The following PLEKHA1 variants were observed in gnomAD, a reference collection of about 807,000 sequenced individuals.
PLEKHA1 encodes pleckstrin homology domain containing A1, also known as pleckstrin homology domain-containing family A member 1.
In PLEKHA1, 34 loss-of-function variants were observed where a neutral mutation model predicts 52.0. The ratio of observed to expected loss-of-function variants is 0.65; its 90% confidence interval spans 0.50 to 0.87. PLEKHA1 has a LOEUF of 0.87. PLEKHA1 is among the 40% of genes least tolerant of loss of function. The pLI is 0.00. For synonymous variants in PLEKHA1, 163 were observed against 170.7 expected (o/e 0.95, Z 0.35); for missense variants, 497 against 504.2 (o/e 0.99, Z 0.14).
Position 122,429,846 on chromosome 10 carries a change from C to G in PLEKHA1, c.1123C>G (p.Leu375Val). Residue 375 changes from leucine to valine, a missense_variant, in exon 12 of 12, where the codon CTG becomes GTG. Coordinates refer to ENST00000368990, the MANE Select transcript of PLEKHA1 (RefSeq NM_001001974.4). ...EPASKVTEQA[L>V]LRPQSKNGPQ... ...AGCTTCCAAAGTGACTGAACAAGCT[C>G]TGTTAAGACCTCAAAGTAAAAATGG... 1 of 1,614,148 alleles carries G rather than the reference C, an allele frequency of 6.2e-7. No homozygotes were observed. The highest frequency in any genetic ancestry group is 1.1e-5 in the South Asian group (1 of 91,080).
intron 4 of PLEKHA1, 29 bp downstream of exon 4, chr10:122,400,417 A>G: frequency 6.4e-7 from 1 of 1,564,156 alleles, no homozygotes; most frequent in Non-Finnish European, 8.7e-7. Flanking sequence ...TATATTTTAA[A>G]TAGACTGATA....
downstream of PLEKHA1, chr10:122,436,923 C>A (rs749133628): frequency 4.0e-5 from 6 of 150,880 alleles, no homozygotes; most frequent in African/African-American, 7.3e-5. Context: ...ACCTCTAATG[C>A]ACGTTTTCTT....
intron 8 of PLEKHA1, 117 bp downstream of exon 8, chr10:122,418,085 G>A: frequency 1.5e-6 from 1 of 669,666 alleles, no homozygotes; most frequent in African/African-American, 1.8e-5. Flanking sequence ...AGTTTTTAGA[G>A]GTAAATATAG....
At chr10:122,376,676 G>C (rs1026331240) in intron 1 of PLEKHA1, among the ~76,000 whole-genome samples, 11 of 152,138 alleles carry the variant, frequency 7.2e-5, no homozygotes, top group African/African-American at 2.4e-4. Flanking sequence ...TTTTAGCAGT[G>C]TAACAAAATA....
Position 122,431,572 on chromosome 10 carries a change from C to T in PLEKHA1, c.*1634C>T, listed in dbSNP as rs1226169317. The T allele has an allele frequency of 1.3e-5, 2 of 152,478 alleles. No homozygotes were observed. Among genetic ancestry groups the T allele is most frequent in the Non-Finnish European group, 2.9e-5 (2 of 68,004 alleles). 9.4% of individuals were successfully genotyped at this position (152,478 alleles called of 1,614,324 possible). ...ATTGAAAATTTCTCGTTTTCATTTT[C>T]TTAGATGACTTCTTGTCTGAGACAG... On this transcript the variant is annotated 3_prime_UTR_variant, in exon 12 of 12. Transcript: ENST00000368990.
At chr10:122,412,897 A>T in intron 5 of PLEKHA1, 23 bp from the exon 6 acceptor site, 1 of 1,611,160 alleles carries the variant, frequency 6.2e-7, no homozygotes. Flanking sequence ...TTGCAAAATG[A>T]TTCATTTTAT....
chr10:122,416,710 T>A (rs1334969186), intron 7 of PLEKHA1, among the ~76,000 whole-genome samples: 2 of 152,190 alleles, frequency 1.3e-5, no homozygotes, highest in Admixed American at 6.5e-5. Context: ...TCTAAGCCAT[T>A]CTTTCTATGT....
At chr10:122,388,882 A>G (rs1038252953) in intron 1 of PLEKHA1, among the ~76,000 whole-genome samples, 10 of 152,272 alleles carry the variant, frequency 6.6e-5, no homozygotes, top group South Asian at 2.1e-4. Flanking sequence ...CATCTGTTCA[A>G]GTTTTAGCAT....
chr10:122,381,511 C>A (rs1193774893), intron 1 of PLEKHA1, among the ~76,000 whole-genome samples: 1 of 151,964 alleles, frequency 6.6e-6, no homozygotes, highest in Non-Finnish European at 1.5e-5. Flanking sequence ...TCTCTTCTCT[C>A]TTTCTTCCTC....
chr10:122,390,163 T>A (rs2096757075), intron 1 of PLEKHA1, among the ~76,000 whole-genome samples: 1 of 152,230 alleles, frequency 6.6e-6, no homozygotes, highest in Non-Finnish European at 1.5e-5. Context: ...GGCTTCCAGC[T>A]TTCTTCCTGT....
intron 6 of PLEKHA1, among the ~76,000 whole-genome samples, chr10:122,414,482 T>C (rs1407465926): frequency 1.3e-5 from 2 of 152,086 alleles, no homozygotes; most frequent in Non-Finnish European, 2.9e-5. Context: ...ACTTGCTCTA[T>C]GAAAGACCTT....
downstream of PLEKHA1, chr10:122,434,631 A>G (rs1422580829): frequency 6.6e-6 from 1 of 151,414 alleles, no homozygotes; most frequent in Non-Finnish European, 1.5e-5. Flanking sequence ...GGTTAGTTAC[A>G]TATGTATACA....
intron 2 of PLEKHA1, among the ~76,000 whole-genome samples, chr10:122,397,536 A>C (rs1714044499): frequency 6.6e-6 from 1 of 152,154 alleles, no homozygotes; most frequent in Non-Finnish European, 1.5e-5. Flanking sequence ...GAACAAAGTA[A>C]TATGTATAGT....
intron 1 of PLEKHA1, among the ~76,000 whole-genome samples, chr10:122,392,882 CTA>C (rs1256373488): frequency 6.6e-6 from 1 of 152,036 alleles, no homozygotes; most frequent in African/African-American, 2.4e-5. Flanking sequence ...ATTTGGATAA[CTA>C]TTTTTTTTGG....
At chr10:122,383,390 G>A in intron 1 of PLEKHA1, among the ~76,000 whole-genome samples, 1 of 141,676 alleles carries the variant, frequency 7.1e-6, no homozygotes. Flanking sequence ...CACAATCATA[G>A]CTTACTGCAG....
chr10:122,390,365 G>T (rs2096759316), intron 1 of PLEKHA1, among the ~76,000 whole-genome samples: 1 of 152,138 alleles, frequency 6.6e-6, no homozygotes, highest in South Asian at 2.1e-4. Flanking sequence ...TTTCCTTCAG[G>T]AACTTTACCT....
chr10:122,429,657 G>A lies in PLEKHA1; in HGVS notation c.934G>A (p.Ala312Thr), dbSNP rs765456729. Residue 312 changes from alanine (A) to threonine (T), a missense_variant, in exon 12 of 12, where the codon GCT becomes ACT. Coordinates refer to ENST00000368990, the MANE Select transcript of PLEKHA1 (RefSeq NM_001001974.4). ...HPPGPSESKHAFRPTNAATAT... is the reference protein window; with the variant it reads ...HPPGPSESKHTFRPTNAATAT... The stretch of plus-strand genomic sequence containing the variant: ...CCCCGGTCCTTCAGAATCCAAACAC[G>A]CTTTCCGTCCTACCAACGCAGCCAC... 62 of 1,613,872 alleles carry A rather than the reference G, an allele frequency of 3.8e-5. No individual in the cohort carries two copies. The highest frequency in any genetic ancestry group is 4.8e-5 in the Non-Finnish European group (57 of 1,179,996).
chr10:122,434,472 G>A (rs1031900307), downstream of PLEKHA1: 32 of 152,110 alleles, frequency 2.1e-4, 1 homozygote, highest in Non-Finnish European at 5.9e-5. Flanking sequence ...GTGTGTTTCG[G>A]AACTTCATTT....
intron 6 of PLEKHA1, among the ~76,000 whole-genome samples, chr10:122,414,017 T>A (rs1012494688): frequency 1.1e-4 from 17 of 152,100 alleles, no homozygotes; most frequent in African/African-American, 2.4e-4. Flanking sequence ...TCTTTATGCT[T>A]GGCAAAGGGT....
Sources: allele counts gnomAD v4.1 joint callset (sites outside exome capture counted in the v4.1 genomes callset), GRCh38; gene constraint gnomAD v4.1.1; transcripts MANE v1.5; gene names NCBI Gene and HGNC (gene_info 2026-07-23, HGNC 2026-07-21).